Variants in HOMEZ observed in about 807,000 individuals in gnomAD.
HOMEZ encodes the protein homeobox and leucine zipper protein Homez.
A neutral mutation model predicts 50.1 loss-of-function variants in HOMEZ; 20 were observed. That is an observed-to-expected ratio of 0.40 (90% CI 0.28 to 0.58). HOMEZ has a LOEUF of 0.58. HOMEZ is among the 20% of genes least tolerant of loss of function. The pLI, the probability that HOMEZ is intolerant of heterozygous loss-of-function variation, is 0.46. For synonymous variants in HOMEZ, 239 were observed against 254.7 expected (o/e 0.94, Z 0.59); for missense variants, 579 against 680.5 (o/e 0.85, Z 1.66).
rs777858950 is a variant in HOMEZ at position 23,275,881 on chromosome 14, A to G, written c.1347T>C (p.Ala449=). 2 of 1,600,330 alleles carry G rather than the reference A, an allele frequency of 1.2e-6. No homozygotes were observed. Among genetic ancestry groups the G allele is most frequent in the Non-Finnish European group, 1.7e-6 (2 of 1,172,654 alleles). ...PPSTRSLNER[A]ETPPLPIPPP... ...GAGGGATCGGCAGAGGTGGTGTCTC[A>G]GCCCTTTCGTTCAAGGAGCGGGTTG... The change falls in exon 2 of 2, where the codon GCT becomes GCC. Residue 449 remains alanine (A), a synonymous_variant. Coordinates refer to ENST00000357460, the MANE Select transcript of HOMEZ (RefSeq NM_020834.3).
rs754878345 is a variant in HOMEZ at position 23,276,083 on chromosome 14, C to T, written c.1145G>A (p.Arg382Gln). ...KSFFLQCQWA[R>Q]REDYQKLEQI... ...TTCTAACTTTTGGTAATCCTCACGC[C>T]GTGCCCACTGGCACTGTAAAAAAAA... is the stretch of plus-strand genomic sequence containing the variant. Residue 382 changes from arginine (R) to glutamine (Q), a missense_variant, in exon 2 of 2, where the codon CGG becomes CAG. Physicochemically the swap from Arg to Gln is conservative, Grantham distance 43. Coordinates refer to ENST00000357460, the MANE Select transcript of HOMEZ (RefSeq NM_020834.3). This position sits in a 1 kb window ranked among gnomAD's most constrained non-coding sequence, Gnocchi z 4.1. 21 of 1,613,848 alleles carry T rather than the reference C, an allele frequency of 1.3e-5. No individual in the cohort carries two copies. The highest frequency in any genetic ancestry group is 1.7e-5 in the Non-Finnish European group (20 of 1,179,896).
chr14:23,280,685 TTTTATTTTTATTTTTATATTTTTA>T (rs1416334242), intron 1 of HOMEZ, among the ~76,000 whole-genome samples: 1 of 130,196 alleles, frequency 7.7e-6, no homozygotes, highest in Non-Finnish European at 1.7e-5. Context: ...ATCTGTTATA[TTTTATTTTTATTTTTATATTTTTA>T]TTTTTATTTT....
At chr14:23,282,834 A>G (rs112058654) in intron 1 of HOMEZ, among the ~76,000 whole-genome samples, 1,822 of 152,316 alleles carry the variant, frequency 0.012, 35 homozygotes, top group African/African-American at 0.036. Flanking sequence ...TATTTGGTGT[A>G]CTATATGCAT....
Position 23,286,056 on chromosome 14 carries a change from G to T in HOMEZ, c.-104C>A. 8.1e-7 allele frequency: 1 copy of T among 1,231,514 alleles called. No individual in the cohort carries two copies. Among genetic ancestry groups the T allele is most frequent in the Non-Finnish European group, 1.0e-6 (1 of 987,480 alleles). 76.3% of individuals were successfully genotyped at this position (1,231,514 alleles called of 1,614,324 possible). On this transcript the variant is annotated 5_prime_UTR_variant, in exon 1 of 2. Transcript: ENST00000357460. ...CCCACCCCAGCGATGGCCGAAACCGGGACTGCCCCCCCCACCGTCCCCGGG... is the reference window on the plus strand; with the variant it reads ...CCCACCCCAGCGATGGCCGAAACCGTGACTGCCCCCCCCACCGTCCCCGGG...
intron 1 of HOMEZ, among the ~76,000 whole-genome samples, chr14:23,280,693 T>A (rs1029267722): frequency 2.5e-5 from 3 of 118,006 alleles, no homozygotes; most frequent in Admixed American, 9.0e-5. Flanking sequence ...TATTTTATTT[T>A]TATTTTTATA....
rs17128364 is a variant in HOMEZ, at chr14:23,276,826, A to G, written c.402T>C (p.His134=). The G allele has an allele frequency of 3.3e-3, 5,389 of 1,614,034 alleles. 119 individuals are homozygous for G. The African/African-American group carries it at 0.06, about 18-fold the overall frequency. The change falls in exon 2 of 2, where the codon CAT becomes CAC. Residue 134 remains histidine, a synonymous_variant. Coordinates refer to ENST00000357460, the MANE Select transcript of HOMEZ (RefSeq NM_020834.3). This position sits in a 1 kb window ranked among gnomAD's most constrained non-coding sequence, Gnocchi z 4.1. ...GAGTAAAAGAGAGAAGGGATTTGAA[A>G]TGGAGTTGGTCCCGACGGTAGACTA... The part of the protein sequence containing the change: ...ARVVYRRDQL[H]FKSLLSFTHH...
chr14:23,282,850 T>G (rs995356338), intron 1 of HOMEZ, among the ~76,000 whole-genome samples: 1 of 152,178 alleles, frequency 6.6e-6, no homozygotes, highest in Non-Finnish European at 1.5e-5. Flanking sequence ...TGCATTCAGT[T>G]TTCACTTACA....
At position 23,272,818 on chromosome 14, in the gene HOMEZ, T is replaced by C; in HGVS notation, c.*2757A>G. 6.5e-7 allele frequency: 1 copy of C among 1,546,646 alleles called. No individual in the cohort carries two copies. Among genetic ancestry groups the C allele is most frequent in the Non-Finnish European group, 8.7e-7 (1 of 1,143,864 alleles). On this transcript the variant is annotated 3_prime_UTR_variant, in exon 2 of 2. Coordinates refer to ENST00000357460, the MANE Select transcript of HOMEZ (RefSeq NM_020834.3). The stretch of plus-strand genomic sequence containing the variant: ...CCACATCTACCTTCTTGTCCTCTGC[T>C]GCAGACTCTCTACCAACAACGGAGG...
chr14:23,278,882 A>T (rs1886425595), intron 1 of HOMEZ, among the ~76,000 whole-genome samples: 1 of 151,724 alleles, frequency 6.6e-6, no homozygotes, highest in African/African-American at 2.4e-5. Flanking sequence ...TACCATGTTA[A>T]CCAGGCTGGT....
At chr14:23,284,691 A>G (rs1245796243) in intron 1 of HOMEZ, among the ~76,000 whole-genome samples, 2 of 152,264 alleles carry the variant, frequency 1.3e-5, no homozygotes, top group Non-Finnish European at 2.9e-5. Context: ...TTGGAGAGAC[A>G]TAACGCAAGG....
chr14:23,280,719 T>C (rs1156961400), intron 1 of HOMEZ, among the ~76,000 whole-genome samples: 13 of 66,184 alleles, frequency 2.0e-4, no homozygotes, highest in Non-Finnish European at 3.6e-4. Context: ...ATTTTTATTT[T>C]ATTTTATTTT....
intron 1 of HOMEZ, 89 bp downstream of exon 1, chr14:23,285,824 T>A (rs1052436514): frequency 2.7e-6 from 2 of 731,278 alleles, no homozygotes; most frequent in Admixed American, 4.3e-5. Context: ...CCTAGAATTA[T>A]CCCCCCACCA....
In HOMEZ at chr14:23,285,898, C is replaced by G; in HGVS notation, c.40+15G>C. The G allele has an allele frequency of 8.0e-7, 1 of 1,243,576 alleles. No homozygotes were observed. The highest frequency in any genetic ancestry group is 1.0e-6 in the Non-Finnish European group (1 of 983,536). The allele number at this position is 1,243,576 out of a possible 1,614,324, so 77.0% of individuals were successfully genotyped here. On this transcript the variant is annotated intron_variant, in intron 1 of 1. Coordinates refer to ENST00000357460, the MANE Select transcript of HOMEZ (RefSeq NM_020834.3). ...GAGCTGGGAGGGGAAGTCCAAGGGGCTGGGGATCACTCACCGCAGTCCAGC... is the reference window on the plus strand; with the variant it reads ...GAGCTGGGAGGGGAAGTCCAAGGGGGTGGGGATCACTCACCGCAGTCCAGC...
chr14:23,276,347 A>G lies in HOMEZ; in HGVS notation c.881T>C (p.Val294Ala). ...SSSSTSSSFQ[V>A]LANGATAASK... is the part of the protein sequence containing the mutation. ...GGCGGCAGTAGCTCCATTAGCCAGT[A>G]CCTGGAAAGAAGAAGAGGTAGAGGA... The change falls in exon 2 of 2, where the codon GTA becomes GCA. Residue 294 changes from valine to alanine, a missense_variant. By Grantham distance (64) the Val-to-Ala change is moderately conservative. Coordinates refer to ENST00000357460, the MANE Select transcript of HOMEZ (RefSeq NM_020834.3). This position sits in a 1 kb window ranked among gnomAD's most constrained non-coding sequence, Gnocchi z 4.1. 10 of 1,613,928 alleles carry G rather than the reference A, an allele frequency of 6.2e-6. No homozygotes were observed. The highest frequency in any genetic ancestry group is 8.5e-6 in the Non-Finnish European group (10 of 1,179,848).
chr14:23,280,760 T>TTTA (rs1196593659), intron 1 of HOMEZ, among the ~76,000 whole-genome samples: 2 of 86,406 alleles, frequency 2.3e-5, no homozygotes. Context: ...TTTATTTTAT[T>TTTA]TTATTTTATT....
chr14:23,276,092 TGGCACTG>T lies in HOMEZ; in HGVS notation c.1129_1135del (p.Gln377SerfsTer11). 3.1e-6 allele frequency: 5 copies of T among 1,614,074 alleles called. No homozygotes were observed. Among genetic ancestry groups the T allele is most frequent in the Non-Finnish European group, 4.2e-6 (5 of 1,179,900 alleles). On this transcript the variant is annotated frameshift_variant, in exon 2 of 2. Coordinates refer to ENST00000357460, the MANE Select transcript of HOMEZ (RefSeq NM_020834.3). LOFTEE classifies it high-confidence loss of function. This position sits in a 1 kb window ranked among gnomAD's most constrained non-coding sequence, Gnocchi z 4.1. Reference sequence around the variant, plus strand: ...TTGGTAATCCTCACGCCGTGCCCACTGGCACTGTAAAAAAAAGGATTTAAGGATAGCC... The same window carrying T: ...TTGGTAATCCTCACGCCGTGCCCACTTAAAAAAAAGGATTTAAGGATAGCC...
rs763383617 is a variant in HOMEZ at position 23,272,729 on chromosome 14, G to A, written c.*2846C>T. The A allele has an allele frequency of 3.7e-5, 29 of 790,022 alleles. No individual in the cohort carries two copies. Among genetic ancestry groups the A allele is most frequent in the Non-Finnish European group, 5.6e-5 (26 of 461,226 alleles). The allele number at this position is 790,022 out of a possible 1,614,324, so 48.9% of individuals were successfully genotyped here. On this transcript the variant is annotated 3_prime_UTR_variant, in exon 2 of 2. Transcript: ENST00000357460. ...TGGGGAAGCAAAAGCAGTGGTGTCT[G>A]TCTCGATAAGCTTCATACAACAGGT...
At chr14:23,277,278 C>A in intron 1 of HOMEZ, 91 bp from the exon 2 acceptor site, 2 of 1,169,430 alleles carry the variant, frequency 1.7e-6, no homozygotes, top group Admixed American at 2.9e-5. Context: ...GACACCAGAA[C>A]AATTTAATCT....
Position 23,285,986 on chromosome 14 carries a change from C to T in HOMEZ, c.-34G>A, listed in dbSNP as rs1163787362. 2 of 1,236,186 alleles carry T rather than the reference C, an allele frequency of 1.6e-6. No individual in the cohort carries two copies. Among genetic ancestry groups the T allele is most frequent in the Non-Finnish European group, 2.0e-6 (2 of 984,942 alleles). The allele number at this position is 1,236,186 out of a possible 1,614,324, so 76.6% of individuals were successfully genotyped here. ...GGGAAGTGGGGGAGAGGGCAGGGGGCCTCCGAGTGGGAGTGGGGTTGCTGC... is the reference window on the plus strand; with the variant it reads ...GGGAAGTGGGGGAGAGGGCAGGGGGTCTCCGAGTGGGAGTGGGGTTGCTGC... On this transcript the variant is annotated 5_prime_UTR_variant, in exon 1 of 2. Transcript: ENST00000357460.
Sources: gnomAD v4.1 joint callset for allele counts (sites outside exome capture counted in the v4.1 genomes callset) on GRCh38, gnomAD v4.1.1 for gene constraint, Gnocchi (gnomAD v3.1) non-coding constraint, MANE v1.5 for transcripts, NCBI Gene and HGNC (gene_info 2026-07-23, HGNC 2026-07-21) for gene names.